CDC42BPA: variants seen among roughly 807,000 people sequenced by gnomAD.
CDC42BPA encodes the protein serine/threonine-protein kinase MRCK alpha.
In CDC42BPA, 80 loss-of-function variants were observed where a neutral mutation model predicts 223.5. That is an observed-to-expected ratio of 0.36 (90% CI 0.30 to 0.43). The LOEUF is 0.43. CDC42BPA is among the 20% of genes least tolerant of loss of function. CDC42BPA has a pLI of 1.00. For synonymous variants in CDC42BPA, 694 were observed against 718.6 expected, an observed-to-expected ratio of 0.97 and a Z score of 0.55; for missense variants, 1,743 against 2,099.9, an observed-to-expected ratio of 0.83 and a Z score of 3.32.
chr1:226,994,427 GAGA>G lies in CDC42BPA; in HGVS notation c.5134-31_5134-29del, dbSNP rs756342777. On this transcript the variant is annotated intron_variant, in intron 36 of 36. Coordinates refer to ENST00000366766, the MANE Select transcript of CDC42BPA (RefSeq NM_001394014.1). This position sits in a 1 kb window ranked among gnomAD's most constrained non-coding sequence, Gnocchi z 4.0. Reference sequence around the variant, plus strand: ...GTAAGGCCCAAAGTAAAACATTAATGAGAAGGAGGGGGAGAAAGGGAGGCAGAA... The same window carrying G: ...GTAAGGCCCAAAGTAAAACATTAATGAGGAGGGGGAGAAAGGGAGGCAGAA... 14 of 1,473,166 alleles carry G rather than the reference GAGA, an allele frequency of 9.5e-6. 1 individual carries two copies. The East Asian group carries it at 3.0e-4, about 32-fold the overall frequency. 91.3% of individuals were successfully genotyped at this position (1,473,166 alleles called of 1,614,324 possible).
chr1:227,128,881 AT>A (rs1032802492), intron 11 of CDC42BPA, among the ~76,000 whole-genome samples: 275 of 151,928 alleles, frequency 1.8e-3, no homozygotes, highest in African/African-American at 6.2e-3. Flanking sequence ...ACCTCCATTT[AT>A]TTTTCCTGAT....
intron 10 of CDC42BPA, among the ~76,000 whole-genome samples, chr1:227,132,874 G>A (rs1227270748): frequency 1.1e-4 from 16 of 151,130 alleles, no homozygotes; most frequent in Admixed American, 5.3e-4. Context: ...CGTCTGAGAA[G>A]TGAGGAGACC....
intron 6 of CDC42BPA, among the ~76,000 whole-genome samples, chr1:227,159,224 C>T (rs772154836): frequency 6.5e-4 from 99 of 152,248 alleles, no homozygotes; most frequent in Non-Finnish European, 1.2e-3. Context: ...CGGTGGCTCA[C>T]GCCTGTAATC....
intron 5 of CDC42BPA, among the ~76,000 whole-genome samples, chr1:227,190,878 T>C (rs902262162): frequency 6.6e-6 from 1 of 151,890 alleles, no homozygotes; most frequent in South Asian, 2.1e-4. Context: ...GCAGAGTGTG[T>C]GGTGGGGGGT....
At chr1:227,198,803 G>A (rs1015696980) in intron 4 of CDC42BPA, among the ~76,000 whole-genome samples, 1 of 151,468 alleles carries the variant, frequency 6.6e-6, no homozygotes, top group African/African-American at 2.4e-5. Flanking sequence ...CACCCAGGCT[G>A]GAGTGCAGTG....
At chr1:227,045,305 T>C (rs775737321) in intron 23 of CDC42BPA, among the ~76,000 whole-genome samples, 7 of 152,244 alleles carry the variant, frequency 4.6e-5, no homozygotes, top group Non-Finnish European at 8.8e-5. Context: ...CTTCTAACTA[T>C]TCTTTTCATT....
chr1:227,074,390 A>G lies in CDC42BPA; in HGVS notation c.2481-26T>C, dbSNP rs201490748. ...CTAGAATATATAAAGACAAAGTACA[A>G]AAGTAAAACAAAAAAGCTTCAGTGC... On this transcript the variant is annotated intron_variant, in intron 17 of 36. Coordinates refer to ENST00000366766, the MANE Select transcript of CDC42BPA (RefSeq NM_001394014.1). 1.9e-6 allele frequency: 3 copies of G among 1,539,694 alleles called. No homozygotes were observed. The African/African-American group carries it at 4.1e-5, about 21-fold the overall frequency.
chr1:227,243,235 TA>T (rs1048923211), intron 2 of CDC42BPA, among the ~76,000 whole-genome samples: 10 of 152,164 alleles, frequency 6.6e-5, no homozygotes, highest in African/African-American at 2.4e-4. Flanking sequence ...CTGAGCTTAA[TA>T]GGGCGATGAA....
At position 227,040,254 on chromosome 1, in the gene CDC42BPA, A is replaced by T. The variant is rs752233264; in HGVS notation, c.3094-18T>A. 3.4e-5 allele frequency: 49 copies of T among 1,435,658 alleles called. No individual in the cohort carries two copies. Among genetic ancestry groups the T allele is most frequent in the Non-Finnish European group, 4.4e-5 (45 of 1,018,354 alleles). The allele number at this position is 1,435,658 out of a possible 1,614,324, so 88.9% of individuals were successfully genotyped here. A position where few individuals can be genotyped will look rare whatever the true frequency, so the allele number is the denominator to read the frequency against. On this transcript the variant is annotated intron_variant, in intron 23 of 36. Transcript: ENST00000366766. ...GTCTTGCGCTGCAAAACAAATTGATAAAAAAACACACAGATTGTTTAAAAG... is the reference window on the plus strand; with the variant it reads ...GTCTTGCGCTGCAAAACAAATTGATTAAAAAACACACAGATTGTTTAAAAG...
intron 14 of CDC42BPA, among the ~76,000 whole-genome samples, chr1:227,108,084 T>C (rs1686243271): frequency 6.6e-6 from 1 of 152,220 alleles, no homozygotes; most frequent in Non-Finnish European, 1.5e-5. Context: ...CTAGTCTTTA[T>C]TTTATTTAGC....
At chr1:227,013,816 C>T (rs758736444) in intron 34 of CDC42BPA, among the ~76,000 whole-genome samples, 5 of 152,056 alleles carry the variant, frequency 3.3e-5, no homozygotes, top group Non-Finnish European at 5.9e-5. Context: ...TGCTTTGCAA[C>T]TTACATATTT....
chr1:227,285,577 G>C (rs1171268426), intron 1 of CDC42BPA, among the ~76,000 whole-genome samples: 1 of 152,198 alleles, frequency 6.6e-6, no homozygotes, highest in Non-Finnish European at 1.5e-5. Flanking sequence ...ATGAAGGACT[G>C]TCAGTATCTG....
chr1:227,270,166 T>C (rs1213326874), intron 1 of CDC42BPA, among the ~76,000 whole-genome samples: 2 of 152,184 alleles, frequency 1.3e-5, no homozygotes, highest in Admixed American at 6.5e-5. Flanking sequence ...CTCTAATGCA[T>C]ACTGTTAAAT....
At chr1:227,299,539 A>G (rs1691269427) in intron 1 of CDC42BPA, among the ~76,000 whole-genome samples, 1 of 152,196 alleles carries the variant, frequency 6.6e-6, no homozygotes, top group Non-Finnish European at 1.5e-5. Context: ...AGCTGTAAAT[A>G]TATAATGTTA....
chr1:227,302,025 T>G (rs1217809381), intron 1 of CDC42BPA, among the ~76,000 whole-genome samples: 1 of 152,212 alleles, frequency 6.6e-6, no homozygotes, highest in Non-Finnish European at 1.5e-5. Context: ...ATCAGATACT[T>G]AAGTCTGTCC....
Position 227,129,155 on chromosome 1 carries a change from T to G in CDC42BPA, c.1467A>C (p.Ile489=), listed in dbSNP as rs1656461929. 2.6e-6 allele frequency: 4 copies of G among 1,550,050 alleles called. No homozygotes were observed. Among genetic ancestry groups the G allele is most frequent in the Non-Finnish European group, 3.6e-6 (4 of 1,124,552 alleles). ...GPLTASKDLE[I]KNLKEEIEKL... The stretch of plus-strand genomic sequence containing the variant: ...TTTCAATTTCTTCTTTTAAGTTTTT[T>G]ATTTCTAAATCTTTGCTTGCTGTTA... Residue 489 remains isoleucine, a synonymous_variant, in exon 11 of 37, where the codon ATA becomes ATC. Transcript: ENST00000366766.
chr1:227,092,067 G>T, intron 15 of CDC42BPA, 76 bp from the exon 16 acceptor site: 1 of 778,988 alleles, frequency 1.3e-6, no homozygotes, highest in Non-Finnish European at 2.1e-6. Context: ...TTTTCCAATA[G>T]TTACATAAAA....
chr1:227,279,616 G>A (rs971458792), intron 1 of CDC42BPA, among the ~76,000 whole-genome samples: 4 of 151,884 alleles, frequency 2.6e-5, no homozygotes, highest in African/African-American at 9.7e-5. Flanking sequence ...TTAACTGAAG[G>A]CTTTATATTT....
chr1:227,158,670 G>T (rs549554158), intron 6 of CDC42BPA, among the ~76,000 whole-genome samples: 1 of 152,260 alleles, frequency 6.6e-6, no homozygotes, highest in Non-Finnish European at 1.5e-5. Context: ...TGATACAAAG[G>T]TGTTAGCTGG....
Sources: allele counts gnomAD v4.1 joint callset (sites outside exome capture counted in the v4.1 genomes callset), GRCh38; gene constraint gnomAD v4.1.1; non-coding constraint Gnocchi (gnomAD v3.1); transcripts MANE v1.5; gene names NCBI Gene and HGNC (gene_info 2026-07-23, HGNC 2026-07-21).